JPH2: variants seen among roughly 807,000 people sequenced by gnomAD.
JPH2 encodes the protein junctophilin-2.
JPH2 carries 38 observed loss-of-function variants against 55.9 expected under a neutral mutation model. The ratio of observed to expected loss-of-function variants is 0.68; its 90% CI spans 0.52 to 0.89. The LOEUF is 0.89. Among genes scored for constraint, JPH2 ranks in the 40% least tolerant of loss-of-function variants. JPH2 has a pLI of 0.00. For missense variants in JPH2, 964 were observed against 1,037.6 expected, an observed-to-expected ratio of 0.93 and a Z score of 0.97; for synonymous variants, 480 against 472.4, an observed-to-expected ratio of 1.02 and a Z score of -0.21.
At chr20:44,129,847 G>C (rs901142288) in intron 2 of JPH2, among the ~76,000 whole-genome samples, 3 of 152,080 alleles carry the variant, frequency 2.0e-5, no homozygotes, top group African/African-American at 7.2e-5. Context: ...ATGTGATGAT[G>C]GGAGCAGAGA....
chr20:44,173,322 T>C (rs1392137632), intron 1 of JPH2, among the ~76,000 whole-genome samples: 1 of 152,144 alleles, frequency 6.6e-6, no homozygotes, highest in Non-Finnish European at 1.5e-5. Flanking sequence ...TACCCAGACC[T>C]GTGACTCATA....
intron 2 of JPH2, among the ~76,000 whole-genome samples, chr20:44,133,504 G>A (rs571345740): frequency 1.1e-4 from 17 of 152,072 alleles, no homozygotes; most frequent in East Asian, 1.9e-4. Flanking sequence ...GTGATGGAAC[G>A]GCAGTCTACC....
At chr20:44,116,686 G>A (rs2072195460) in intron 3 of JPH2, among the ~76,000 whole-genome samples, 3 of 152,220 alleles carry the variant, frequency 2.0e-5, no homozygotes, top group Admixed American at 1.3e-4. Context: ...CAGCAGTCTG[G>A]CTCCAGAGGC....
At chr20:44,179,825 C>T (rs948094664) in intron 1 of JPH2, among the ~76,000 whole-genome samples, 7 of 152,176 alleles carry the variant, frequency 4.6e-5, no homozygotes, top group Admixed American at 6.5e-5. Context: ...ATTAGCTGGA[C>T]GACCTTGAGT....
intron 1 of JPH2, among the ~76,000 whole-genome samples, chr20:44,171,525 C>T (rs2072698111): frequency 6.6e-6 from 1 of 152,094 alleles, no homozygotes; most frequent in Non-Finnish European, 1.5e-5. Context: ...CCCACAAAAC[C>T]CTCATGATCT....
At chr20:44,176,136 C>A (rs1038551606) in intron 1 of JPH2, among the ~76,000 whole-genome samples, 4 of 152,168 alleles carry the variant, frequency 2.6e-5, no homozygotes, top group African/African-American at 9.7e-5. Context: ...TGTGTCTTCT[C>A]ACCACCTCTG....
At chr20:44,138,874 A>G (rs2072436069) in intron 2 of JPH2, among the ~76,000 whole-genome samples, 3 of 152,180 alleles carry the variant, frequency 2.0e-5, no homozygotes, top group African/African-American at 7.2e-5. Context: ...TTTTTTAAAT[A>G]GTAAGGGGAT....
At position 44,108,058 on chromosome 20, in the gene JPH2, G is replaced by A. The variant is rs774664843; in HGVS notation, c.*5460C>T. ...TCAGCCTGACCTTTGGGTGTGGGGA[G>A]GGGTATGGAGGTTAAGTTCAACCAT... On this transcript the variant is annotated 3_prime_UTR_variant, in exon 6 of 6. Coordinates refer to ENST00000372980, the MANE Select transcript of JPH2 (RefSeq NM_020433.5). 3.9e-5 allele frequency among the ~76,000 whole-genome samples: 6 copies of A among 152,170 alleles called. No individual in the cohort carries two copies. Among genetic ancestry groups the A allele is most frequent in the Non-Finnish European group, 8.8e-5 (6 of 68,038 alleles).
chr20:44,120,421 C>A (rs1435486496), intron 2 of JPH2, among the ~76,000 whole-genome samples: 1 of 152,188 alleles, frequency 6.6e-6, no homozygotes. Flanking sequence ...AAAGTAATAA[C>A]AGTCCAATTT....
At chr20:44,122,354 G>T (rs1244109458) in intron 2 of JPH2, among the ~76,000 whole-genome samples, 1 of 152,160 alleles carries the variant, frequency 6.6e-6, no homozygotes, top group Non-Finnish European at 1.5e-5. Context: ...GCCAGGGACA[G>T]AATGAGATGA....
chr20:44,115,369 C>T (rs2072180215), intron 4 of JPH2, among the ~76,000 whole-genome samples: 1 of 152,118 alleles, frequency 6.6e-6, no homozygotes, highest in African/African-American at 2.4e-5. Flanking sequence ...ATGGACCCAC[C>T]CTCCAGCTGC....
chr20:44,138,015 T>C (rs2072427569), intron 2 of JPH2, among the ~76,000 whole-genome samples: 1 of 151,740 alleles, frequency 6.6e-6, no homozygotes, highest in African/African-American at 2.4e-5. Context: ...AGACCTTTTT[T>C]TTTTTTTTTT....
At chr20:44,171,939 A>C (rs2072702276) in intron 1 of JPH2, among the ~76,000 whole-genome samples, 1 of 152,250 alleles carries the variant, frequency 6.6e-6, no homozygotes, top group African/African-American at 2.4e-5. Context: ...CACTCCATGC[A>C]GGGACTCACA....
chr20:44,175,630 G>T (rs1279488380), intron 1 of JPH2, among the ~76,000 whole-genome samples: 1 of 152,194 alleles, frequency 6.6e-6, no homozygotes, highest in Non-Finnish European at 1.5e-5. Flanking sequence ...GCGGGTGGAT[G>T]ACAAGTCCCT....
In JPH2 at chr20:44,106,679, C is replaced by T. The variant is rs975369017; in HGVS notation, c.*6839G>A. 3.9e-5 allele frequency among the ~76,000 whole-genome samples: 6 copies of T among 152,160 alleles called. No homozygotes were observed. The highest frequency in any genetic ancestry group is 1.4e-4 in the African/African-American group (6 of 41,442). ...GTGGAAGACAAGGAGGAGCAAGTCA[C>T]ATCTTACTAGATGGCAGCAGGCAAA... On this transcript the variant is annotated 3_prime_UTR_variant, in exon 6 of 6. Transcript: ENST00000372980.
intron 2 of JPH2, among the ~76,000 whole-genome samples, chr20:44,149,334 C>T (rs541858035): frequency 5.6e-4 from 85 of 152,360 alleles, no homozygotes; most frequent in African/African-American, 2.0e-3. Flanking sequence ...CAGGTGTGGT[C>T]ATACACATTT....
At chr20:44,122,096 C>G (rs2072241863) in intron 2 of JPH2, among the ~76,000 whole-genome samples, 1 of 152,160 alleles carries the variant, frequency 6.6e-6, no homozygotes, top group South Asian at 2.1e-4. Flanking sequence ...GTATCCTAAC[C>G]ACAGGCTCAA....
intron 2 of JPH2, among the ~76,000 whole-genome samples, chr20:44,135,317 TC>T (rs1345294484): frequency 1.3e-5 from 2 of 152,144 alleles, no homozygotes; most frequent in Admixed American, 6.6e-5. Flanking sequence ...ACCTCTCTGG[TC>T]TGACTCCAAA....
chr20:44,186,245 C>T (rs530021098), intron 1 of JPH2, 82 bp downstream of exon 1: 6 of 1,498,680 alleles, frequency 4.0e-6, no homozygotes, highest in Admixed American at 3.6e-5. Flanking sequence ...TGCCAATTGC[C>T]GGTCGCCTTT....
Sources: allele counts gnomAD v4.1 joint callset (sites outside exome capture counted in the v4.1 genomes callset), GRCh38; gene constraint gnomAD v4.1.1; transcripts MANE v1.5; gene names NCBI Gene and HGNC (gene_info 2026-07-23, HGNC 2026-07-21).